Variants in SLC18A2 observed in about 807,000 individuals in gnomAD.
The protein encoded by SLC18A2 is solute carrier family 18 member A2.
A neutral mutation model predicts 59.2 loss-of-function variants in SLC18A2; 33 were observed. The observed-to-expected ratio is 0.56, with a 90% CI of 0.42 to 0.75. The LOEUF (loss-of-function observed/expected upper bound fraction) is 0.75. Ranked by LOEUF, SLC18A2 falls within the 30% of genes least tolerant of loss-of-function variation. SLC18A2 has a pLI of 0.00. For synonymous variants in SLC18A2, 228 were observed against 253.5 expected (o/e 0.90, Z 0.95); for missense variants, 569 against 668.6 (o/e 0.85, Z 1.64).
chr10:117,257,709 A>T lies in SLC18A2; in HGVS notation c.896-88A>T, dbSNP rs1317435638. ...CTTAATGAAAGTAGAAGTTGCGGTT[A>T]TCTGAGCTGTAGGCGCATGGAGTCT... On this transcript the variant is annotated intron_variant, in intron 9 of 15. Transcript: ENST00000644641. 5 of 701,986 alleles carry T rather than the reference A, an allele frequency of 7.1e-6. No homozygotes were observed. The African/African-American group carries it at 9.0e-5, about 13-fold the overall frequency. 43.5% of individuals were successfully genotyped at this position (701,986 alleles called of 1,614,324 possible). A position where few individuals can be genotyped will look rare whatever the true frequency, so the allele number is the denominator to read the frequency against.
chr10:117,264,672 C>T (rs940267979), intron 10 of SLC18A2, among the ~76,000 whole-genome samples: 5 of 152,126 alleles, frequency 3.3e-5, no homozygotes, highest in Admixed American at 3.3e-4. Flanking sequence ...GTCAGTGGTT[C>T]TTTATCATGG....
At chr10:117,254,227 C>T (rs1266797362) in intron 5 of SLC18A2, 96 bp downstream of exon 5, 4 of 1,349,086 alleles carry the variant, frequency 3.0e-6, no homozygotes, top group African/African-American at 1.4e-5. Context: ...GGTTGGGGTG[C>T]TGGGGATTCT....
chr10:117,270,601 A>T (rs1480729560), intron 15 of SLC18A2, 138 bp downstream of exon 15: 34 of 901,694 alleles, frequency 3.8e-5, no homozygotes, highest in Non-Finnish European at 5.2e-5. Flanking sequence ...CACATAGAGC[A>T]GTTACTTCTT....
At position 117,278,369 on chromosome 10, in the gene SLC18A2, T is replaced by C. The variant is rs913807786; in HGVS notation, c.*1103T>C. 3.3e-5 allele frequency: 5 copies of C among 152,202 alleles called. No homozygotes were observed. Among genetic ancestry groups the C allele is most frequent in the Non-Finnish European group, 7.3e-5 (5 of 68,030 alleles). The allele number at this position is 152,202 out of a possible 1,614,324, so 9.4% of individuals were successfully genotyped here. On this transcript the variant is annotated 3_prime_UTR_variant, in exon 16 of 16. Transcript: ENST00000644641. ...ATCATATATTAAGAAGTAAAAATAA[T>C]AGTGATCAGGCAGAAAAGAAAAATG...
At chr10:117,260,245 A>G (rs938961439) in intron 10 of SLC18A2, among the ~76,000 whole-genome samples, 2 of 152,136 alleles carry the variant, frequency 1.3e-5, no homozygotes, top group Non-Finnish European at 2.9e-5. Flanking sequence ...CTGGAGTGCT[A>G]GGGGCCCCAC....
At chr10:117,268,943 C>CACACATACAT (rs1844383795) in intron 13 of SLC18A2, among the ~76,000 whole-genome samples, 1 of 151,528 alleles carries the variant, frequency 6.6e-6, no homozygotes, top group Non-Finnish European at 1.5e-5. Context: ...CACACATGCA[C>CACACATACAT]ACACATACAT....
chr10:117,258,767 T>A (rs950699337), intron 10 of SLC18A2, among the ~76,000 whole-genome samples: 1 of 2,798 alleles, frequency 3.6e-4, no homozygotes, highest in African/African-American at 8.8e-4. Flanking sequence ...CCCCCGACTC[T>A]TTTTTTTTTT....
chr10:117,249,110 G>A (rs1311474713), intron 3 of SLC18A2, among the ~76,000 whole-genome samples: 1 of 152,346 alleles, frequency 6.6e-6, no homozygotes, highest in Admixed American at 6.5e-5. Context: ...AGTGGGCTGT[G>A]TAGGAACAAG....
At position 117,244,277 on chromosome 10, in the gene SLC18A2, T is replaced by A; in HGVS notation, c.428T>A (p.Leu143His). The change falls in exon 3 of 16, where the codon CTC (leucine) becomes CAC (histidine). Residue 143 changes from leucine to histidine, a missense_variant. Leu to His is a moderately conservative substitution (Grantham distance 99). Around this residue, in one of 2 missense-constraint regions of SLC18A2, gnomAD observed 377 missense variants for 389.8 expected, o/e 0.97. Coordinates refer to ENST00000644641, the MANE Select transcript of SLC18A2 (RefSeq NM_003054.6). ...TTTGCCTCGAAAGCCACCGTCCAGC[T>A]CATCACCAACCCTTTCATAGGACTA... ...LLFASKATVQ[L>H]ITNPFIGLLT... is the part of the protein sequence containing the mutation. The A allele has an allele frequency of 6.2e-7, 1 of 1,614,146 alleles. No homozygotes were observed.
At chr10:117,261,375 T>C (rs1337727223) in intron 10 of SLC18A2, among the ~76,000 whole-genome samples, 2 of 152,166 alleles carry the variant, frequency 1.3e-5, no homozygotes, top group Non-Finnish European at 2.9e-5. Flanking sequence ...TGGCGCGATC[T>C]TGGCTGACCG....
At chr10:117,253,704 G>A (rs1844190836) in intron 4 of SLC18A2, among the ~76,000 whole-genome samples, 1 of 152,186 alleles carries the variant, frequency 6.6e-6, no homozygotes, top group African/African-American at 2.4e-5. Context: ...AAGGTAGCCA[G>A]GTGTGGTGGC....
chr10:117,270,487 G>A, intron 15 of SLC18A2, 24 bp downstream of exon 15: 1 of 1,610,794 alleles, frequency 6.2e-7, no homozygotes, highest in Non-Finnish European at 8.5e-7. Context: ...AGGATGCAGT[G>A]AGCATTTCTT....
chr10:117,275,862 TA>T (rs562249786), intron 15 of SLC18A2, among the ~76,000 whole-genome samples: 57 of 152,322 alleles, frequency 3.7e-4, no homozygotes, highest in African/African-American at 1.1e-3. Context: ...AGAGGATTTT[TA>T]AAAAATCATA....
intron 15 of SLC18A2, among the ~76,000 whole-genome samples, chr10:117,276,080 C>A (rs1377940549): frequency 6.7e-6 from 1 of 148,948 alleles, no homozygotes; most frequent in African/African-American, 2.5e-5. Flanking sequence ...CACTTGAGCC[C>A]AGGAGTTTGA....
chr10:117,248,863 G>T (rs780109277), intron 3 of SLC18A2, among the ~76,000 whole-genome samples: 1 of 152,164 alleles, frequency 6.6e-6, no homozygotes, highest in African/African-American at 2.4e-5. Context: ...GCTGGGGACC[G>T]TTTCCCTTGC....
intron 15 of SLC18A2, among the ~76,000 whole-genome samples, chr10:117,276,472 C>T (rs749328096): frequency 2.0e-5 from 3 of 151,090 alleles, no homozygotes; most frequent in East Asian, 1.9e-4. Context: ...AAAGTAGCTG[C>T]GAGTGGTGGT....
intron 6 of SLC18A2, 98 bp from the exon 7 acceptor site, chr10:117,255,179 C>A: frequency 1.7e-6 from 2 of 1,188,752 alleles, no homozygotes; most frequent in Non-Finnish European, 2.5e-6. Flanking sequence ...CTTATTGGAA[C>A]AAAGTAGAGA....
At chr10:117,244,882 C>T (rs948322887) in intron 3 of SLC18A2, among the ~76,000 whole-genome samples, 11 of 152,248 alleles carry the variant, frequency 7.2e-5, no homozygotes, top group African/African-American at 9.6e-5. Context: ...CTGCTGGCTA[C>T]GTAGCCACGT....
At chr10:117,243,323 A>T (rs1844075459) in intron 2 of SLC18A2, among the ~76,000 whole-genome samples, 1 of 152,216 alleles carries the variant, frequency 6.6e-6, no homozygotes, top group African/African-American at 2.4e-5. Context: ...TGCTTTTCTG[A>T]AATATTCCTT....
Sources: gnomAD v4.1 joint callset for allele counts (sites outside exome capture counted in the v4.1 genomes callset) on GRCh38, gnomAD v4.1.1 for gene constraint, gnomAD v4.1.1 regional missense constraint, MANE v1.5 for transcripts, NCBI Gene and HGNC (gene_info 2026-07-23, HGNC 2026-07-21) for gene names.